The following VEZT variants were observed in gnomAD, a reference collection of about 807,000 sequenced individuals.
VEZT encodes vezatin.
A neutral mutation model predicts 79.9 loss-of-function variants in VEZT; 39 were observed. That is an observed-to-expected ratio of 0.49 (90% CI 0.38 to 0.64). VEZT has a LOEUF of 0.64. Among genes scored for constraint, VEZT ranks in the 30% least tolerant of loss-of-function variants. VEZT has a pLI of 0.00. For missense variants in VEZT, 837 were observed against 893.1 expected (o/e 0.94, Z 0.80); for synonymous variants, 325 against 327.6 (o/e 0.99, Z 0.09).
chr12:95,277,539 C>T (rs2068039573), intron 7 of VEZT, among the ~76,000 whole-genome samples: 1 of 152,150 alleles, frequency 6.6e-6, no homozygotes, highest in South Asian at 2.1e-4. Flanking sequence ...GATACTTTCA[C>T]ACCCTTTCGA....
chr12:95,295,621 G>A (rs1032962378), intron 10 of VEZT, among the ~76,000 whole-genome samples: 3 of 152,134 alleles, frequency 2.0e-5, no homozygotes, highest in Non-Finnish European at 2.9e-5. Flanking sequence ...ACCATAAGGT[G>A]GGGTGTTCCC....
intron 1 of VEZT, among the ~76,000 whole-genome samples, chr12:95,243,219 C>T (rs2061276536): frequency 6.6e-6 from 1 of 151,718 alleles, no homozygotes; most frequent in African/African-American, 2.4e-5. Flanking sequence ...ACCAAAAATA[C>T]AAAAAGTGAG....
Position 95,300,601 on chromosome 12 carries a change from G to A in VEZT, c.2268G>A (p.Gln756=). 2.5e-6 allele frequency: 4 copies of A among 1,612,598 alleles called. No individual in the cohort carries two copies. Among genetic ancestry groups the A allele is most frequent in the Non-Finnish European group, 3.4e-6 (4 of 1,179,118 alleles). The change falls in exon 12 of 12, where the codon CAG becomes CAA. Residue 756 remains glutamine, a synonymous_variant. Coordinates refer to ENST00000436874, the MANE Select transcript of VEZT (RefSeq NM_017599.4). ...AARSLSFTTM[Q]EQTFGGEEEE... ...GATCTCTCTCCTTTACCACCATGCAGGAACAGACTTTTGGTGGTGAGGAGG... is the reference window on the plus strand; with the variant it reads ...GATCTCTCTCCTTTACCACCATGCAAGAACAGACTTTTGGTGGTGAGGAGG...
intron 11 of VEZT, among the ~76,000 whole-genome samples, chr12:95,297,980 T>G (rs369310690): frequency 6.6e-6 from 1 of 151,870 alleles, no homozygotes; most frequent in Non-Finnish European, 1.5e-5. Flanking sequence ...ATTAGCCAGG[T>G]GTGATGGCGC....
At chr12:95,293,049 A>G (rs1231646484) in intron 9 of VEZT, among the ~76,000 whole-genome samples, 1 of 151,552 alleles carries the variant, frequency 6.6e-6, no homozygotes, top group African/African-American at 2.4e-5. Context: ...TGGGGGTTTC[A>G]CCATGTTGGT....
intron 3 of VEZT, among the ~76,000 whole-genome samples, chr12:95,260,179 C>G (rs2064180834): frequency 6.9e-6 from 1 of 145,794 alleles, no homozygotes; most frequent in Non-Finnish European, 1.5e-5. Flanking sequence ...CATCTCGGCT[C>G]ACTGCAACCT....
intron 5 of VEZT, among the ~76,000 whole-genome samples, chr12:95,269,368 C>A (rs1215850689): frequency 6.6e-6 from 1 of 152,066 alleles, no homozygotes; most frequent in Non-Finnish European, 1.5e-5. Context: ...ATGCAGTAAC[C>A]CTTACTTTGC....
At position 95,285,509 on chromosome 12, in the gene VEZT, A is replaced by G. The variant is rs1276458055; in HGVS notation, c.1329-2155A>G. 2.6e-5 allele frequency among the ~76,000 whole-genome samples: 4 copies of G among 152,148 alleles called. No homozygotes were observed. The South Asian group carries it at 8.3e-4, about 32-fold the overall frequency. On this transcript the variant is annotated intron_variant, in intron 8 of 11. Transcript: ENST00000436874. ...CCTTTTGTATATGGGCCCAAATTTT[A>G]TCCATCCTTCAATGCTACCTCAAAA... is the stretch of plus-strand genomic sequence containing the variant.
intron 1 of VEZT, among the ~76,000 whole-genome samples, chr12:95,223,269 A>G (rs2057899235): frequency 6.6e-6 from 1 of 152,166 alleles, no homozygotes; most frequent in Non-Finnish European, 1.5e-5. Context: ...CACTCAGTAA[A>G]TGTTACCTTT....
At chr12:95,229,586 G>A (rs916848827) in intron 1 of VEZT, among the ~76,000 whole-genome samples, 2 of 152,096 alleles carry the variant, frequency 1.3e-5, no homozygotes, top group Admixed American at 6.6e-5. Flanking sequence ...ATGAGAGTAG[G>A]CCCTTAGAGG....
chr12:95,268,690 C>T (rs2066021006), intron 5 of VEZT, among the ~76,000 whole-genome samples: 1 of 152,088 alleles, frequency 6.6e-6, no homozygotes. Context: ...GATTTACCTT[C>T]CAGATTATGA....
chr12:95,264,085 G>A (rs1198233194), intron 4 of VEZT, among the ~76,000 whole-genome samples: 4 of 152,156 alleles, frequency 2.6e-5, no homozygotes, highest in Non-Finnish European at 4.4e-5. Context: ...AACTGTTCAA[G>A]TTATATAGGC....
At chr12:95,253,278 G>A (rs548345852) in intron 2 of VEZT, among the ~76,000 whole-genome samples, 38 of 152,176 alleles carry the variant, frequency 2.5e-4, no homozygotes, top group Admixed American at 9.2e-4. Flanking sequence ...GGGAAAGTAT[G>A]GATTGGCAGA....
chr12:95,265,035 A>T (rs1166083285), intron 4 of VEZT, among the ~76,000 whole-genome samples: 66 of 151,370 alleles, frequency 4.4e-4, no homozygotes, highest in South Asian at 4.2e-4. Flanking sequence ...TAATTTTTAA[A>T]TTTTTTGTAG....
chr12:95,264,829 C>G (rs1011441217), intron 4 of VEZT, among the ~76,000 whole-genome samples: 1 of 151,072 alleles, frequency 6.6e-6, no homozygotes, highest in Non-Finnish European at 1.5e-5. Flanking sequence ...CAGCTATTCT[C>G]AGACACATCC....
rs577084386 is a variant in VEZT at position 95,296,240 on chromosome 12, C to T, written c.1813C>T (p.Leu605Phe). The T allele has an allele frequency of 6.9e-6, 11 of 1,583,372 alleles. No individual in the cohort carries two copies. The Admixed American group carries it at 2.0e-4, about 29-fold the overall frequency. ...SEAERQKWKQ[L>F]LFSDHAVLKS... ...GGCAGAAAGGCAGAAGTGGAAGCAACTTCTATTTAGTGATCATGGTAAGCA... is the reference window on the plus strand; with the variant it reads ...GGCAGAAAGGCAGAAGTGGAAGCAATTTCTATTTAGTGATCATGGTAAGCA... The change falls in exon 11 of 12, where the codon CTT (leucine) becomes TTT (phenylalanine). Residue 605 changes from leucine (L) to phenylalanine (F), a missense_variant. Leu to Phe is a conservative substitution (Grantham distance 22). Coordinates refer to ENST00000436874, the MANE Select transcript of VEZT (RefSeq NM_017599.4).
chr12:95,248,456 C>T (rs1389395658), intron 1 of VEZT, among the ~76,000 whole-genome samples: 1 of 152,064 alleles, frequency 6.6e-6, no homozygotes, highest in African/African-American at 2.4e-5. Context: ...TCTTGTTTCT[C>T]TTCTGGTTAT....
In VEZT at chr12:95,287,723, T is replaced by C; in HGVS notation, c.1388T>C (p.Leu463Pro). Residue 463 changes from leucine (L) to proline (P), a missense_variant, in exon 9 of 12, where the codon CTA (leucine) becomes CCA (proline). By Grantham distance (98) the Leu-to-Pro change is moderately conservative (BLOSUM62 -3). Transcript: ENST00000436874. ...KLVCTKETQELVSEAYPILEQ... is the reference protein window; with the variant it reads ...KLVCTKETQEPVSEAYPILEQ... ...GTTTGTACTAAAGAAACACAAGAAC[T>C]AGTGTCAGAGGCTTATCCCATCCTA... 1 of 1,597,968 alleles carries C rather than the reference T, an allele frequency of 6.3e-7. No individual in the cohort carries two copies. Among genetic ancestry groups the C allele is most frequent in the Non-Finnish European group, 8.5e-7 (1 of 1,171,230 alleles).
chr12:95,294,569 GT>G (rs1242160831), intron 10 of VEZT, among the ~76,000 whole-genome samples, 197 bp downstream of exon 10: 2 of 152,122 alleles, frequency 1.3e-5, no homozygotes, highest in African/African-American at 2.4e-5. Flanking sequence ...GCTTTCAAAA[GT>G]GATTAAACAC....
Sources: allele counts gnomAD v4.1 joint callset (sites outside exome capture counted in the v4.1 genomes callset), GRCh38; gene constraint gnomAD v4.1.1; transcripts MANE v1.5; gene names NCBI Gene and HGNC (gene_info 2026-07-23, HGNC 2026-07-21).